The following ZNF407 variants were observed in gnomAD, a reference collection of about 807,000 sequenced individuals.
ZNF407 encodes the protein zinc finger protein 407.
Under a neutral mutation model 131.2 loss-of-function variants are expected in ZNF407, and 17 were observed. The observed-to-expected ratio is 0.13, with a 90% CI of 0.09 to 0.19. The LOEUF is 0.19. ZNF407 is among the 10% of genes least tolerant of loss of function. The pLI is 1.00. For synonymous variants in ZNF407, 1,156 were observed against 1,062.0 expected (o/e 1.09, Z -1.72); for missense variants, 2,681 against 2,830.6 (o/e 0.95, Z 1.20).
chr18:74,745,813 G>A (rs545441630), intron 3 of ZNF407, among the ~76,000 whole-genome samples: 2 of 152,126 alleles, frequency 1.3e-5, no homozygotes, highest in African/African-American at 2.4e-5. Flanking sequence ...CTGTTGTAGC[G>A]TCTAACTCCA....
intron 4 of ZNF407, among the ~76,000 whole-genome samples, chr18:74,799,166 A>G (rs1450638447): frequency 6.6e-6 from 1 of 152,164 alleles, no homozygotes; most frequent in Non-Finnish European, 1.5e-5. Context: ...TGTTCAAAGA[A>G]ATTACTTAGC....
At chr18:75,027,966 A>G (rs958277369) in intron 8 of ZNF407, among the ~76,000 whole-genome samples, 1 of 152,180 alleles carries the variant, frequency 6.6e-6, no homozygotes, top group African/African-American at 2.4e-5. Context: ...TGCCGTGGCA[A>G]TGGTAATGTG....
At chr18:74,857,238 A>G (rs1430786883) in intron 4 of ZNF407, among the ~76,000 whole-genome samples, 1 of 152,208 alleles carries the variant, frequency 6.6e-6, no homozygotes, top group Non-Finnish European at 1.5e-5. Context: ...CGTGTTTCAG[A>G]TGGCTAACAC....
chr18:74,695,653 A>G (rs560821412), intron 3 of ZNF407, among the ~76,000 whole-genome samples: 36 of 152,280 alleles, frequency 2.4e-4, no homozygotes, highest in Admixed American at 2.1e-3. Flanking sequence ...CTGATTTGGA[A>G]CTAGGATCAG....
intron 3 of ZNF407, among the ~76,000 whole-genome samples, chr18:74,658,168 A>G (rs1331404563): frequency 6.6e-6 from 1 of 152,064 alleles, no homozygotes; most frequent in Non-Finnish European, 1.5e-5. Flanking sequence ...GCTGGAGTGC[A>G]GTGGCATGAT....
intron 4 of ZNF407, among the ~76,000 whole-genome samples, chr18:74,815,414 G>A (rs748413078): frequency 6.6e-6 from 1 of 152,132 alleles, no homozygotes; most frequent in Admixed American, 6.5e-5. Flanking sequence ...TCACTCAGGG[G>A]CAGTGGTGTG....
intron 4 of ZNF407, among the ~76,000 whole-genome samples, chr18:74,857,899 C>A: frequency 7.2e-6 from 1 of 139,442 alleles, no homozygotes; most frequent in Middle Eastern, 3.5e-3. Context: ...CTCCCCTCCC[C>A]TCCCCTTTCT....
At chr18:74,788,425 G>A (rs1969761869) in intron 4 of ZNF407, among the ~76,000 whole-genome samples, 1 of 152,108 alleles carries the variant, frequency 6.6e-6, no homozygotes, top group African/African-American at 2.4e-5. Flanking sequence ...TAGTGGTCCA[G>A]TGGTGCTTTT....
At chr18:74,821,850 T>A (rs1383660508) in intron 4 of ZNF407, among the ~76,000 whole-genome samples, 1 of 152,216 alleles carries the variant, frequency 6.6e-6, no homozygotes, top group Non-Finnish European at 1.5e-5. Flanking sequence ...TGCCACACTG[T>A]CTTCCACAAT....
chr18:75,064,451 G>T lies in ZNF407; in HGVS notation c.6730G>T (p.Glu2244Ter), dbSNP rs975886316. The change falls in exon 9 of 9, where the codon GAA becomes TAA. Residue 2244 changes from glutamate (E) to a stop codon, truncating the protein, a stop_gained. Transcript: ENST00000299687. LOFTEE classifies it high-confidence loss of function. ...AAIQSQRESS[E>*]LQEA ...AATTCAGAGCCAAAGAGAAAGCAGC[G>T]AACTCCAGGAAGCATGAGACGCGCG... 22 of 1,493,192 alleles carry T rather than the reference G, an allele frequency of 1.5e-5. No individual in the cohort carries two copies. Among genetic ancestry groups the T allele is most frequent in the Non-Finnish European group, 2.0e-5 (22 of 1,119,008 alleles). 92.5% of individuals were successfully genotyped at this position (1,493,192 alleles called of 1,614,324 possible). A position where few individuals can be genotyped will look rare whatever the true frequency, so the allele number is the denominator to read the frequency against.
intron 3 of ZNF407, among the ~76,000 whole-genome samples, chr18:74,741,501 TA>T (rs1247706219): frequency 6.6e-6 from 1 of 152,132 alleles, no homozygotes; most frequent in Non-Finnish European, 1.5e-5. Context: ...AGCTAGAATC[TA>T]AATGATTTAT....
At chr18:74,637,843 G>C (rs1433232747) in intron 2 of ZNF407, among the ~76,000 whole-genome samples, 8 of 152,170 alleles carry the variant, frequency 5.3e-5, no homozygotes, top group Admixed American at 3.9e-4. Flanking sequence ...CCCATCCTTA[G>C]CAGGATAAAA....
At chr18:74,847,551 C>A (rs546760285) in intron 4 of ZNF407, among the ~76,000 whole-genome samples, 4 of 152,056 alleles carry the variant, frequency 2.6e-5, no homozygotes, top group African/African-American at 9.7e-5. Flanking sequence ...TTTTTAATTT[C>A]TTTTTTTCTC....
Position 74,773,414 on chromosome 18 carries a change from T to G in ZNF407, c.4803-8014T>G, listed in dbSNP as rs567626866. ...ATTGACAATAGTATCAAAGAAGAAG[T>G]GATCAGAAGTGGTTTGGAACTATCA... On this transcript the variant is annotated intron_variant, in intron 3 of 8. Transcript: ENST00000299687. Among the ~76,000 whole-genome samples the G allele has an allele frequency of 7.3e-4, 104 of 142,744 alleles. 7 individuals are homozygous for G. The highest frequency in any genetic ancestry group is 2.9e-3 in the African/African-American group (100 of 33,940). 93.6% of individuals were successfully genotyped at this position (142,744 alleles called of 152,430 possible).
chr18:74,755,782 TCTTTCC>T (rs1355749010), intron 3 of ZNF407, among the ~76,000 whole-genome samples: 5 of 143,706 alleles, frequency 3.5e-5, no homozygotes, highest in African/African-American at 1.3e-4. Context: ...TCTCTCTCTC[TCTTTCC>T]TTCCTTCTTT....
chr18:74,979,330 C>T (rs564093348), intron 8 of ZNF407, among the ~76,000 whole-genome samples: 85 of 152,268 alleles, frequency 5.6e-4, no homozygotes, highest in Non-Finnish European at 1.1e-3. Flanking sequence ...TATATATAGT[C>T]GCCCAGGTCG....
chr18:74,682,413 G>T (rs1489915522), intron 3 of ZNF407, among the ~76,000 whole-genome samples: 5 of 152,102 alleles, frequency 3.3e-5, no homozygotes, highest in Admixed American at 1.3e-4. Context: ...GGCGTGGGTG[G>T]TACTTCAGCT....
intron 8 of ZNF407, among the ~76,000 whole-genome samples, chr18:75,045,754 C>T (rs753624620): frequency 7.2e-5 from 11 of 152,092 alleles, no homozygotes; most frequent in Admixed American, 1.3e-4. Flanking sequence ...TCTTGAGTAA[C>T]GCTGTAAGGT....
At chr18:74,704,317 C>T (rs1967572298) in intron 3 of ZNF407, among the ~76,000 whole-genome samples, 1 of 152,156 alleles carries the variant, frequency 6.6e-6, no homozygotes, top group Non-Finnish European at 1.5e-5. Context: ...CCATAGCCAA[C>T]AACTAGGGAT....
Sources: allele counts gnomAD v4.1 joint callset (sites outside exome capture counted in the v4.1 genomes callset), GRCh38; gene constraint gnomAD v4.1.1; transcripts MANE v1.5; gene names NCBI Gene and HGNC (gene_info 2026-07-23, HGNC 2026-07-21).